The following U2AF2 variants were observed in gnomAD, a reference collection of about 807,000 sequenced individuals.
U2AF2 encodes the protein U2 small nuclear RNA auxiliary factor 2.
In U2AF2, 6 loss-of-function variants were observed where a neutral mutation model predicts 52.6. That is an observed-to-expected ratio of 0.11 (90% confidence interval 0.06 to 0.23). The LOEUF is 0.23. U2AF2 is among the 10% of genes least tolerant of loss of function. U2AF2 has a pLI of 1.00. For synonymous variants in U2AF2, 284 were observed against 258.2 expected, an observed-to-expected ratio of 1.10 and a Z score of -0.96; for missense variants, 222 against 677.1, an observed-to-expected ratio of 0.33 and a Z score of 7.46.
chr19:55,655,822 C>G (rs532535757), intron 1 of U2AF2, among the ~76,000 whole-genome samples: 1 of 152,242 alleles, frequency 6.6e-6, no homozygotes, highest in South Asian at 2.1e-4. Context: ...CTAAAAGCAT[C>G]TGCATTCTTT....
chr19:55,665,145 A>G (rs1346983031), intron 7 of U2AF2, among the ~76,000 whole-genome samples: 2 of 152,182 alleles, frequency 1.3e-5, no homozygotes, highest in African/African-American at 4.8e-5. Flanking sequence ...AAGCTGCAGA[A>G]TGTCTTCCCC....
chr19:55,656,989 C>G (rs1274294353), intron 1 of U2AF2, among the ~76,000 whole-genome samples: 1 of 152,216 alleles, frequency 6.6e-6, no homozygotes, highest in East Asian at 1.9e-4. Context: ...AAAGAGAAAA[C>G]CAAGTCTTAA....
Position 55,669,036 on chromosome 19 carries a change from AC to A in U2AF2, c.946-43del, listed in dbSNP as rs2123693048. The A allele has an allele frequency of 2.5e-6, 4 of 1,589,708 alleles. No individual in the cohort carries two copies. The East Asian group carries it at 6.8e-5, about 27-fold the overall frequency. On this transcript the variant is annotated intron_variant, in intron 9 of 11. Coordinates refer to ENST00000308924, the MANE Select transcript of U2AF2 (RefSeq NM_007279.3). Reference sequence around the variant, plus strand: ...GTAGGTGTCGGGCTCCTGGTCCCTGACCCCACCTCTCCCCGCACCCCCCGAC... The same window carrying A: ...GTAGGTGTCGGGCTCCTGGTCCCTGACCCACCTCTCCCCGCACCCCCCGAC...
At chr19:55,673,548 T>C (rs78831089) in intron 11 of U2AF2, among the ~76,000 whole-genome samples, 5,970 of 152,276 alleles carry the variant, frequency 0.039, 134 homozygotes, top group African/African-American at 0.054. Flanking sequence ...TCACTTATTG[T>C]TGGGAGAACA....
At chr19:55,667,163 T>C (rs1259109444) in intron 7 of U2AF2, among the ~76,000 whole-genome samples, 1 of 152,096 alleles carries the variant, frequency 6.6e-6, no homozygotes, top group Non-Finnish European at 1.5e-5. Context: ...GGCAGCGTCA[T>C]CATGGGCTGG....
chr19:55,664,003 G>T lies in U2AF2; in HGVS notation c.742+259G>T, dbSNP rs1158472682. 27 of 445,450 alleles carry T rather than the reference G, an allele frequency of 6.1e-5. 1 individual carries two copies. In the South Asian group the frequency reaches 6.1e-4, roughly 10 times the overall value. The allele number at this position is 445,450 out of a possible 1,614,324, so 27.6% of individuals were successfully genotyped here. A position where few individuals can be genotyped will look rare whatever the true frequency, so the allele number is the denominator to read the frequency against. ...GTGGCAGAGCCAGGATCAGACCAAA[G>T]GTGCTGGGGAAGCGAGGGGCTTGTG... is the stretch of plus-strand genomic sequence containing the variant. On this transcript the variant is annotated intron_variant, in intron 7 of 11. Coordinates refer to ENST00000308924, the MANE Select transcript of U2AF2 (RefSeq NM_007279.3).
intron 11 of U2AF2, among the ~76,000 whole-genome samples, chr19:55,672,739 T>C (rs1984998967): frequency 6.6e-6 from 1 of 152,020 alleles, no homozygotes. Flanking sequence ...ATTTTTTTTT[T>C]TTTTTTTGAG....
chr19:55,655,190 G>A (rs780232128), intron 1 of U2AF2, 37 bp downstream of exon 1: 3 of 1,587,598 alleles, frequency 1.9e-6, no homozygotes, highest in Admixed American at 1.7e-5. Flanking sequence ...AGGTGTGGGC[G>A]GCTCCTCGCG....
At chr19:55,669,830 G>A (rs1161643158) in intron 11 of U2AF2, 138 bp downstream of exon 11, 8 of 1,324,778 alleles carry the variant, frequency 6.0e-6, no homozygotes, top group East Asian at 2.5e-5. Context: ...CTCTCCTCTC[G>A]CAGCGCGTGC....
Position 55,660,499 on chromosome 19 carries a change from C to A in U2AF2, c.231-17C>A. Reference sequence around the variant, plus strand: ...CTGAGGTTGCCCTGCCCCGCTCTCCCCTCCCACCTCCCCCAGTCGTTCCCC... The same window carrying A: ...CTGAGGTTGCCCTGCCCCGCTCTCCACTCCCACCTCCCCCAGTCGTTCCCC... On this transcript the variant is annotated splice_polypyrimidine_tract_variant and intron_variant, in intron 3 of 11. Transcript: ENST00000308924. 2 of 933,766 alleles carry A rather than the reference C, an allele frequency of 2.1e-6. No homozygotes were observed. Among genetic ancestry groups the A allele is most frequent in the Non-Finnish European group, 1.7e-6 (1 of 585,064 alleles). 57.8% of individuals were successfully genotyped at this position (933,766 alleles called of 1,614,324 possible).
intron 1 of U2AF2, among the ~76,000 whole-genome samples, chr19:55,657,109 T>G (rs1361158493): frequency 1.3e-5 from 2 of 152,256 alleles, no homozygotes; most frequent in Non-Finnish European, 2.9e-5. Context: ...CAAGTGGAGC[T>G]GATTGGGCGG....
intron 10 of U2AF2, 123 bp downstream of exon 10, chr19:55,669,304 G>C (rs895447523): frequency 4.5e-6 from 7 of 1,543,992 alleles, no homozygotes; most frequent in Admixed American, 3.7e-5. Context: ...ATTCAGTGCA[G>C]TGTTGGGGAG....
At chr19:55,665,582 T>G (rs188701) in intron 7 of U2AF2, among the ~76,000 whole-genome samples, 8,873 of 151,498 alleles carry the variant, frequency 0.059, 409 homozygotes, top group Non-Finnish European at 0.091. Flanking sequence ...TGCACGGCAG[T>G]TCTACGACAC....
At chr19:55,669,771 C>A in intron 11 of U2AF2, 79 bp downstream of exon 11, 1 of 1,473,970 alleles carries the variant, frequency 6.8e-7, no homozygotes, top group Non-Finnish European at 9.0e-7. Context: ...CTCTCTTGCT[C>A]CCTCACCCTC....
chr19:55,657,809 T>A (rs1983891184), intron 1 of U2AF2, among the ~76,000 whole-genome samples: 1 of 152,256 alleles, frequency 6.6e-6, no homozygotes, highest in Non-Finnish European at 1.5e-5. Flanking sequence ...GTTTAAATTC[T>A]GGTGTCACCA....
Position 55,668,958 on chromosome 19 carries a change from C to T in U2AF2, c.946-125C>T, listed in dbSNP as rs895572116. On this transcript the variant is annotated intron_variant, in intron 9 of 11. Transcript: ENST00000308924. The surrounding 1 kb of genome is among the most constrained non-coding windows in gnomAD (Gnocchi z 5.5). ...TCCCATGGCGTTGGCTTTTTCCAGG[C>T]TCTTAATCCCCTTTGCCTTCCCCTC... 5.9e-5 allele frequency: 87 copies of T among 1,477,708 alleles called. No individual in the cohort carries two copies. In the African/African-American group the frequency reaches 1.1e-3, roughly 19 times the overall value. The allele number at this position is 1,477,708 out of a possible 1,614,324, so 91.5% of individuals were successfully genotyped here. A position where few individuals can be genotyped will look rare whatever the true frequency, so the allele number is the denominator to read the frequency against.
intron 1 of U2AF2, among the ~76,000 whole-genome samples, chr19:55,655,706 C>T (rs1182865632): frequency 6.6e-6 from 1 of 152,200 alleles, no homozygotes; most frequent in African/African-American, 2.4e-5. Context: ...CCCTCGCGTA[C>T]CCCTTTTCCT....
At chr19:55,657,054 T>C (rs888655403) in intron 1 of U2AF2, among the ~76,000 whole-genome samples, 4 of 152,250 alleles carry the variant, frequency 2.6e-5, no homozygotes, top group African/African-American at 7.2e-5. Context: ...AAGCAGGTAC[T>C]GATTCTGAGC....
chr19:55,668,615 T>TGCCCCCCCCCCCCCCC lies in U2AF2; in HGVS notation c.822+29_822+30insGCCCCCCCCCCCCCCC. Reference sequence around the variant, plus strand: ...ACTTCCCTGCCTCCCTCCAGACCCGTCCCCCCACCCCGCCCCACCTCATCC... The same window carrying TGCCCCCCCCCCCCCCC: ...ACTTCCCTGCCTCCCTCCAGACCCGTGCCCCCCCCCCCCCCCCCCCCCACCCCGCCCCACCTCATCC... On this transcript the variant is annotated intron_variant, in intron 8 of 11. Transcript: ENST00000308924. The surrounding 1 kb of genome is among the most constrained non-coding windows in gnomAD (Gnocchi z 5.5). 2.7e-5 allele frequency: 41 copies of TGCCCCCCCCCCCCCCC among 1,513,752 alleles called. No individual in the cohort carries two copies. Among genetic ancestry groups the TGCCCCCCCCCCCCCCC allele is most frequent in the African/African-American group, 4.1e-5 (3 of 72,300 alleles). 93.8% of individuals were successfully genotyped at this position (1,513,752 alleles called of 1,614,324 possible).
Sources: gnomAD v4.1 joint callset for allele counts (sites outside exome capture counted in the v4.1 genomes callset) on GRCh38, gnomAD v4.1.1 for gene constraint, Gnocchi (gnomAD v3.1) non-coding constraint, MANE v1.5 for transcripts, NCBI Gene and HGNC (gene_info 2026-07-23, HGNC 2026-07-21) for gene names.